Variants in RBPJ observed in about 807,000 individuals in gnomAD.
RBPJ encodes the protein recombination signal binding protein for immunoglobulin kappa J region.
In RBPJ, 9 loss-of-function variants were observed where a neutral mutation model predicts 67.8. The observed-to-expected ratio is 0.13, with a 90% CI of 0.08 to 0.23. The LOEUF is 0.23. Ranked by LOEUF, RBPJ falls within the 10% of genes least tolerant of loss-of-function variation. The probability of loss-of-function intolerance (pLI) is 1.00; values close to 1 mark genes in which losing one functional copy is unlikely to be tolerated. For missense variants in RBPJ, 305 were observed against 595.6 expected (o/e 0.51, Z 5.08); for synonymous variants, 198 against 203.3 (o/e 0.97, Z 0.22).
rs897964346 is a variant in RBPJ at position 26,431,184 on chromosome 4, TAAAA to T, written c.*201_*204del. On this transcript the variant is annotated 3_prime_UTR_variant, in exon 11 of 11. Transcript: ENST00000355476. ...CTGATTTGAAATGCAGAAGCCACAG[TAAAA>T]AAAAAAAAAAAAAAAAAAAAAAAGA... 16 of 40,782 alleles carry T rather than the reference TAAAA, an allele frequency of 3.9e-4. No individual in the cohort carries two copies. The highest frequency in any genetic ancestry group is 1.3e-3 in the Admixed American group (3 of 2,370). The allele number at this position is 40,782 out of a possible 1,614,324, so 2.5% of individuals were successfully genotyped here. A position where few individuals can be genotyped will look rare whatever the true frequency, so the allele number is the denominator to read the frequency against.
At chr4:26,322,387 A>C (rs1384995748) in intron 1 of RBPJ, 1 of 152,130 alleles carries the variant, frequency 6.6e-6, no homozygotes, top group African/African-American at 2.4e-5. Context: ...TGGATTTAGA[A>C]TTTATCAGTA....
chr4:26,190,055 A>C (rs905185363), intron 1 of RBPJ, among the ~76,000 whole-genome samples: 3 of 152,258 alleles, frequency 2.0e-5, no homozygotes, highest in African/African-American at 7.2e-5. Context: ...ATAATGGTCA[A>C]TATTTAATGA....
intron 1 of RBPJ, among the ~76,000 whole-genome samples, chr4:26,276,583 T>G (rs1721095086): frequency 6.6e-6 from 1 of 152,230 alleles, no homozygotes; most frequent in Non-Finnish European, 1.5e-5. Flanking sequence ...GTTCTTCCAT[T>G]GCTGTCAACA....
chr4:26,367,401 C>T (rs549617771), intron 1 of RBPJ, among the ~76,000 whole-genome samples: 70 of 152,008 alleles, frequency 4.6e-4, no homozygotes, highest in African/African-American at 1.5e-3. Context: ...ATCTAGCACA[C>T]GGAGGTTGCA....
intron 1 of RBPJ, among the ~76,000 whole-genome samples, chr4:26,251,518 C>T (rs972704881): frequency 1.6e-4 from 24 of 151,734 alleles, no homozygotes; most frequent in African/African-American, 4.8e-4. Context: ...TCCTGTAATC[C>T]CAGCTACCTC....
chr4:26,311,930 T>TA (rs879558737), intron 1 of RBPJ, among the ~76,000 whole-genome samples: 153 of 146,340 alleles, frequency 1.0e-3, no homozygotes, highest in Middle Eastern at 7.0e-3. Flanking sequence ...GATCCTGTCT[T>TA]AAAAAAAAAA....
chr4:26,414,199 T>G (rs1486784763), intron 3 of RBPJ, among the ~76,000 whole-genome samples: 1 of 151,180 alleles, frequency 6.6e-6, no homozygotes, highest in Non-Finnish European at 1.5e-5. Context: ...TAAGACAGAG[T>G]CTCACTCTAA....
intron 1 of RBPJ, among the ~76,000 whole-genome samples, chr4:26,350,756 T>A (rs921294885): frequency 2.0e-5 from 3 of 152,218 alleles, no homozygotes; most frequent in Non-Finnish European, 4.4e-5. Context: ...AATTCAAAGA[T>A]GATTCCCTGG....
chr4:26,239,474 G>A (rs1024529854), intron 1 of RBPJ, among the ~76,000 whole-genome samples: 2 of 152,182 alleles, frequency 1.3e-5, no homozygotes, highest in Non-Finnish European at 2.9e-5. Context: ...ATTGTCAGGC[G>A]CACAAGAGTC....
At chr4:26,233,142 T>C (rs555473224) in intron 1 of RBPJ, among the ~76,000 whole-genome samples, 68 of 152,238 alleles carry the variant, frequency 4.5e-4, no homozygotes, top group Non-Finnish European at 8.1e-4. Context: ...AGATTTGGGA[T>C]AGTTGGTACT....
chr4:26,354,451 G>GTTT (rs35328021), intron 1 of RBPJ, among the ~76,000 whole-genome samples: 2 of 117,496 alleles, frequency 1.7e-5, no homozygotes, highest in Non-Finnish European at 3.6e-5. Context: ...AAAGATTTCT[G>GTTT]TTTTTTTTTT....
intron 1 of RBPJ, among the ~76,000 whole-genome samples, chr4:26,285,723 T>C (rs2109280266): frequency 6.8e-6 from 1 of 146,666 alleles, no homozygotes; most frequent in South Asian, 2.2e-4. Context: ...ATCAAATGCA[T>C]TCCAGACAAG....
At chr4:26,295,245 A>AGTGTGTGTGTGTGTGTGT (rs71932374) in intron 1 of RBPJ, among the ~76,000 whole-genome samples, 210 of 147,118 alleles carry the variant, frequency 1.4e-3, no homozygotes, top group African/African-American at 5.0e-3. Context: ...AGGGTGCATC[A>AGTGTGTGTGTGTGTGTGT]GTGTGTGTGT....
At chr4:26,261,702 C>G (rs777384079) in intron 1 of RBPJ, among the ~76,000 whole-genome samples, 1 of 152,172 alleles carries the variant, frequency 6.6e-6, no homozygotes, top group African/African-American at 2.4e-5. Context: ...CTGCCTTCTG[C>G]TTTATTCTAA....
chr4:26,290,661 C>T (rs1721637640), intron 1 of RBPJ, among the ~76,000 whole-genome samples: 1 of 150,938 alleles, frequency 6.6e-6, no homozygotes, highest in Non-Finnish European at 1.5e-5. Flanking sequence ...CTGTCCAGTT[C>T]TGCCATAAAA....
the RBPJ span, among the ~76,000 whole-genome samples, chr4:26,152,191 T>G: frequency 6.6e-6 from 1 of 152,250 alleles, no homozygotes; most frequent in Admixed American, 6.5e-5. Flanking sequence ...TATCCACTCC[T>G]GCACTGTTGA....
intron 1 of RBPJ, among the ~76,000 whole-genome samples, chr4:26,183,574 A>G (rs1485135305): frequency 6.6e-6 from 1 of 152,202 alleles, no homozygotes; most frequent in South Asian, 2.1e-4. Context: ...ACTAGAAGAC[A>G]ATTTAATCTT....
intron 1 of RBPJ, among the ~76,000 whole-genome samples, chr4:26,180,870 G>A (rs986345719): frequency 6.6e-6 from 1 of 152,224 alleles, no homozygotes; most frequent in African/African-American, 2.4e-5. Context: ...GCAGGGCAAT[G>A]TAGACTAGGG....
At chr4:26,383,607 A>G (rs1428982500) in intron 1 of RBPJ, among the ~76,000 whole-genome samples, 1 of 152,220 alleles carries the variant, frequency 6.6e-6, no homozygotes, top group Non-Finnish European at 1.5e-5. Flanking sequence ...TATCTAAAGA[A>G]GTATTTTAAA....
Sources: allele counts gnomAD v4.1 joint callset (sites outside exome capture counted in the v4.1 genomes callset), GRCh38; gene constraint gnomAD v4.1.1; transcripts MANE v1.5; gene names NCBI Gene and HGNC (gene_info 2026-07-23, HGNC 2026-07-21).